The following PEAK3 variants were observed in gnomAD, a reference collection of about 807,000 sequenced individuals.
The protein encoded by PEAK3 is protein PEAK3.
A neutral mutation model predicts 13.3 loss-of-function variants in PEAK3; 15 were observed. That is an observed-to-expected ratio of 1.13 (90% CI 0.75 to 1.73). The LOEUF (loss-of-function observed/expected upper bound fraction) is 1.73. PEAK3 is among the 40% of genes most tolerant of loss of function. PEAK3 has a pLI of 0.00. For missense variants in PEAK3, 739 were observed against 690.2 expected (o/e 1.07, Z -0.79); for synonymous variants, 347 against 341.9 (o/e 1.01, Z -0.17).
intron 2 of PEAK3, 42 bp from the exon 3 acceptor site, chr19:2,279,155 G>A (rs1214894953): frequency 2.9e-6 from 4 of 1,378,120 alleles, no homozygotes; most frequent in Non-Finnish European, 3.8e-6. Context: ...GACAGGCGGA[G>A]TGGGAACGGG....
intron 2 of PEAK3, among the ~76,000 whole-genome samples, chr19:2,280,096 T>C (rs1430738023): frequency 2.6e-5 from 3 of 115,702 alleles, no homozygotes; most frequent in African/African-American, 1.0e-4. Context: ...GGAGTCTCCC[T>C]CTGTCGCCCA....
At chr19:2,278,462 C>G in intron 3 of PEAK3, 122 bp downstream of exon 3, 1 of 1,174,156 alleles carries the variant, frequency 8.5e-7, no homozygotes, top group Non-Finnish European at 1.1e-6. Flanking sequence ...CGCCCGGCTC[C>G]AGTATTTCTT....
Position 2,274,798 on chromosome 19 carries a change from C to T in PEAK3, c.*882G>A, listed in dbSNP as rs1208721607. ...CCATCCTGGCTAACACGGAGAAACC[C>T]CGTCTCTACTAAAAATACAAAAAAT... is the stretch of plus-strand genomic sequence containing the variant. On this transcript the variant is annotated 3_prime_UTR_variant, in exon 4 of 4. Coordinates refer to ENST00000342063, the MANE Select transcript of PEAK3 (RefSeq NM_198532.3). 1 of 150,722 alleles carries T rather than the reference C, an allele frequency of 6.6e-6. No homozygotes were observed. The highest frequency in any genetic ancestry group is 2.4e-5 in the African/African-American group (1 of 41,202). 9.3% of individuals were successfully genotyped at this position (150,722 alleles called of 1,614,324 possible). A position where few individuals can be genotyped will look rare whatever the true frequency, so the allele number is the denominator to read the frequency against.
In PEAK3 at chr19:2,275,635, C is replaced by T; in HGVS notation, c.*45G>A. ...GACGCTGACCTCAGCCCCAGCCCTG[C>T]CTCCTGGGCAGGCCTGGACCAGGTG... On this transcript the variant is annotated 3_prime_UTR_variant, in exon 4 of 4. Transcript: ENST00000342063. The T allele has an allele frequency of 2.2e-6, 3 of 1,367,680 alleles. No individual in the cohort carries two copies. Among genetic ancestry groups the T allele is most frequent in the Non-Finnish European group, 2.8e-6 (3 of 1,055,064 alleles). 84.7% of individuals were successfully genotyped at this position (1,367,680 alleles called of 1,614,324 possible). A position where few individuals can be genotyped will look rare whatever the true frequency, so the allele number is the denominator to read the frequency against.
chr19:2,279,233 G>T (rs1407622422), intron 2 of PEAK3, 120 bp from the exon 3 acceptor site: 1 of 829,308 alleles, frequency 1.2e-6, no homozygotes, highest in East Asian at 3.1e-5. Context: ...GCTGGGCGCC[G>T]GTGGCTCATG....
At position 2,276,135 on chromosome 19, in the gene PEAK3, G is replaced by T. The variant is rs1429606034; in HGVS notation, c.967C>A (p.Pro323Thr). Residue 323 changes from proline to threonine, a missense_variant, in exon 4 of 4, where the codon CCC becomes ACC. By Grantham distance (38) the Pro-to-Thr change is conservative. Transcript: ENST00000342063. ...VAPRGCATTG[P>T]PRLLLTDFGR... ...AAGTCAGTGAGGAGCAGGCGTGGGG[G>T]CCCCGTCGTCGCACAGCCCCGAGGT... 3.2e-6 allele frequency: 5 copies of T among 1,539,920 alleles called. No homozygotes were observed. Among genetic ancestry groups the T allele is most frequent in the African/African-American group, 1.4e-5 (1 of 72,530 alleles).
chr19:2,278,883 G>C lies in PEAK3; in HGVS notation c.313C>G (p.Pro105Ala). 2 of 1,597,520 alleles carry C rather than the reference G, an allele frequency of 1.3e-6. No homozygotes were observed. The highest frequency in any genetic ancestry group is 1.7e-6 in the Non-Finnish European group (2 of 1,172,554). Reference sequence around the variant, plus strand: ...GTCAGCTCTGCAGGGAGACAGGCTGGTCCCACTGCAGCCTGGCTCTTGTCC... The same window carrying C: ...GTCAGCTCTGCAGGGAGACAGGCTGCTCCCACTGCAGCCTGGCTCTTGTCC... ...SVDKSQAAVG[P>A]ACLPAELTFG... is the part of the protein sequence containing the mutation. The change falls in exon 3 of 4, where the codon CCA (proline) becomes GCA (alanine). Residue 105 changes from proline to alanine, a missense_variant. Physicochemically the swap from Pro to Ala is conservative, Grantham distance 27 (BLOSUM62 -1). Coordinates refer to ENST00000342063, the MANE Select transcript of PEAK3 (RefSeq NM_198532.3).
At chr19:2,280,973 G>C in intron 1 of PEAK3, 38 bp from the exon 2 acceptor site, 1 of 1,356,632 alleles carries the variant, frequency 7.4e-7, no homozygotes, top group Non-Finnish European at 1.0e-6. Flanking sequence ...TGGGGTGACC[G>C]TGTGCACGCA....
In PEAK3 at chr19:2,278,630, C is replaced by G. The variant is rs573675978; in HGVS notation, c.566G>C (p.Arg189Pro). The G allele has an allele frequency of 2.0e-6, 3 of 1,502,372 alleles. No individual in the cohort carries two copies. The highest frequency in any genetic ancestry group is 2.3e-5 in the Admixed American group (1 of 43,512). 93.1% of individuals were successfully genotyped at this position (1,502,372 alleles called of 1,614,324 possible). Reference protein sequence around the residue: ...CAESGDALYYRVVRAHEDAWH... With the variant: ...CAESGDALYYPVVRAHEDAWH... ...GGCGTCCTCGTGCGCGCGCACCACG[C>G]GGTAATACAGGGCGTCCCCGCTCTC... is the stretch of plus-strand genomic sequence containing the variant. The change falls in exon 3 of 4, where the codon CGC (arginine) becomes CCC (proline). Residue 189 changes from arginine (R) to proline (P), a missense_variant. By Grantham distance (103) the Arg-to-Pro change is moderately radical. Transcript: ENST00000342063.
At position 2,275,613 on chromosome 19, in the gene PEAK3, G is replaced by C; in HGVS notation, c.*67C>G. 1 of 1,304,110 alleles carries C rather than the reference G, an allele frequency of 7.7e-7. No homozygotes were observed. The highest frequency in any genetic ancestry group is 9.9e-7 in the Non-Finnish European group (1 of 1,010,518). 80.8% of individuals were successfully genotyped at this position (1,304,110 alleles called of 1,614,324 possible). On this transcript the variant is annotated 3_prime_UTR_variant, in exon 4 of 4. Coordinates refer to ENST00000342063, the MANE Select transcript of PEAK3 (RefSeq NM_198532.3). Reference sequence around the variant, plus strand: ...AGGGTGTCTTGGCTATCATGGAGACGCTGACCTCAGCCCCAGCCCTGCCTC... The same window carrying C: ...AGGGTGTCTTGGCTATCATGGAGACCCTGACCTCAGCCCCAGCCCTGCCTC...
intron 1 of PEAK3, among the ~76,000 whole-genome samples, chr19:2,281,584 G>A (rs1437125555): frequency 7.3e-6 from 1 of 136,268 alleles, no homozygotes; most frequent in African/African-American, 2.8e-5. Flanking sequence ...GGCCCCTGAT[G>A]TGTGATCCCG....
intron 2 of PEAK3, 53 bp downstream of exon 2, chr19:2,280,797 C>CCTGCCGCTCCCTGCACCCA (rs1568409263): frequency 9.1e-6 from 13 of 1,431,778 alleles, no homozygotes; most frequent in Middle Eastern, 2.3e-4. Context: ...CCCTGCACCC[C>CCTGCCGCTCCCTGCACCCA]CCTGCCGCTC....
Position 2,278,650 on chromosome 19 carries a change from GCT to G in PEAK3, c.544_545del (p.Ser182ArgfsTer57). ...CCACGCGGTAATACAGGGCGTCCCC[GCT>G]CTCTGCGCAGGGTGAGCTGTCTAGG... The part of the protein sequence containing the change: ...RLLDSSPCAE[S>X]GDALYYRVVR... On this transcript the variant is annotated frameshift_variant, in exon 3 of 4. Transcript: ENST00000342063. LOFTEE classifies it high-confidence loss of function. The G allele has an allele frequency of 6.6e-7, 1 of 1,508,826 alleles. No individual in the cohort carries two copies. The highest frequency in any genetic ancestry group is 1.8e-4 in the Middle Eastern group (1 of 5,580). 93.5% of individuals were successfully genotyped at this position (1,508,826 alleles called of 1,614,324 possible).
chr19:2,275,924 C>G lies in PEAK3; in HGVS notation c.1178G>C (p.Gly393Ala). ...RLRPSASRTR[G>A]ALQALLWGPG... ...CCCCCAGAGCAGCGCCTGCAGCGCG[C>G]CCCGCGTCCGGGACGCCGAGGGCCG... The change falls in exon 4 of 4, where the codon GGC (glycine) becomes GCC (alanine). Residue 393 changes from glycine (G) to alanine (A), a missense_variant. Transcript: ENST00000342063. 1 of 1,376,112 alleles carries G rather than the reference C, an allele frequency of 7.3e-7. No individual in the cohort carries two copies. 85.2% of individuals were successfully genotyped at this position (1,376,112 alleles called of 1,614,324 possible).
chr19:2,280,894 G>A lies in PEAK3; in HGVS notation c.38C>T (p.Pro13Leu). The part of the protein sequence containing the change: ...SPEPPTEPPE[P>L]DNPTWSTQPT... ...CTGAGTCGACCAGGTGGGGTTGTCGGGCTCGGGGGGCTCTGTGGGGGGCTC... is the reference window on the plus strand; with the variant it reads ...CTGAGTCGACCAGGTGGGGTTGTCGAGCTCGGGGGGCTCTGTGGGGGGCTC... The change falls in exon 2 of 4, where the codon CCC (proline) becomes CTC (leucine). Residue 13 changes from proline (P) to leucine (L), a missense_variant. Pro to Leu is a moderately conservative substitution (Grantham distance 98, BLOSUM62 -3). Transcript: ENST00000342063. 6.3e-7 allele frequency: 1 copy of A among 1,593,890 alleles called. No individual in the cohort carries two copies. Among genetic ancestry groups the A allele is most frequent in the Middle Eastern group, 1.7e-4 (1 of 5,876 alleles).
At chr19:2,278,492 ACT>A in intron 3 of PEAK3, 90 bp downstream of exon 3, 3 of 1,297,758 alleles carry the variant, frequency 2.3e-6, no homozygotes, top group Admixed American at 5.5e-5. Flanking sequence ...GTGAGAACTG[ACT>A]CACAGAAAGG....
chr19:2,276,002 G>T lies in PEAK3; in HGVS notation c.1100C>A (p.Thr367Asn). ...CTCCAGGCCCGCGGCCAAAGGCGTG[G>T]TCGAGGGCGCAGCAAGGCTGAGCAG... ...RALLSLAAPS[T>N]TPLAAGLELL... The change falls in exon 4 of 4, where the codon ACC (threonine) becomes AAC (asparagine). Residue 367 changes from threonine (T) to asparagine (N), a missense_variant. Coordinates refer to ENST00000342063, the MANE Select transcript of PEAK3 (RefSeq NM_198532.3). 1 of 1,415,410 alleles carries T rather than the reference G, an allele frequency of 7.1e-7. No homozygotes were observed. Among genetic ancestry groups the T allele is most frequent in the Non-Finnish European group, 9.2e-7 (1 of 1,090,402 alleles). 87.7% of individuals were successfully genotyped at this position (1,415,410 alleles called of 1,614,324 possible). A position where few individuals can be genotyped will look rare whatever the true frequency, so the allele number is the denominator to read the frequency against.
chr19:2,281,041 C>G (rs1387318237), intron 1 of PEAK3, 106 bp from the exon 2 acceptor site: 1 of 667,040 alleles, frequency 1.5e-6, no homozygotes. Context: ...GTCGAGGCCT[C>G]CTGCTCCAGG....
At position 2,276,323 on chromosome 19, in the gene PEAK3, C is replaced by A. The variant is rs1433444576; in HGVS notation, c.779G>T (p.Arg260Leu). Residue 260 changes from arginine to leucine, a missense_variant, in exon 4 of 4, where the codon CGC (arginine) becomes CTC (leucine). Physicochemically the swap from Arg to Leu is moderately radical, Grantham distance 102. Transcript: ENST00000342063. ...CTCCGCCAGCCACTGCGCCACCGTG[C>A]GCTCTGGAACCTCGGCTGCCAGCGC... is the stretch of plus-strand genomic sequence containing the variant. ...AVALAAEVPERTVAQWLAEAC... is the reference protein window; with the variant it reads ...AVALAAEVPELTVAQWLAEAC... 1 of 1,598,364 alleles carries A rather than the reference C, an allele frequency of 6.3e-7. No homozygotes were observed. The highest frequency in any genetic ancestry group is 8.5e-7 in the Non-Finnish European group (1 of 1,178,696).
Sources: allele counts gnomAD v4.1 joint callset (sites outside exome capture counted in the v4.1 genomes callset), GRCh38; gene constraint gnomAD v4.1.1; transcripts MANE v1.5; gene names NCBI Gene and HGNC (gene_info 2026-07-23, HGNC 2026-07-21).